CTBP2: variants seen among roughly 807,000 people sequenced by gnomAD.
CTBP2 encodes C-terminal binding protein 2.
A neutral mutation model predicts 80.3 loss-of-function variants in CTBP2; 30 were observed. The observed-to-expected ratio is 0.37, with a 90% CI of 0.28 to 0.51. The LOEUF (loss-of-function observed/expected upper bound fraction) is 0.51. Ranked by LOEUF, CTBP2 falls within the 20% of genes least tolerant of loss-of-function variation. The pLI, the probability that CTBP2 is intolerant of heterozygous loss-of-function variation, is 0.93. For synonymous variants in CTBP2, 594 were observed against 587.4 expected (o/e 1.01, Z -0.16); for missense variants, 1,212 against 1,375.3 (o/e 0.88, Z 1.88).
intron 2 of CTBP2, among the ~76,000 whole-genome samples, chr10:125,065,186 T>C (rs773935203): frequency 6.6e-5 from 10 of 152,190 alleles, no homozygotes; most frequent in Non-Finnish European, 1.3e-4. Context: ...GTTCTTTGAC[T>C]GGGCTCTTCA....
At chr10:125,100,856 A>C (rs1030327809) in intron 2 of CTBP2, 4 of 152,240 alleles carry the variant, frequency 2.6e-5, no homozygotes, top group Non-Finnish European at 4.4e-5. Flanking sequence ...TATGGGCACA[A>C]TACTGTATTT....
In CTBP2 at chr10:124,986,601, G is replaced by A. The variant is rs1952050394; in HGVS notation, c.*2917C>T. The A allele has an allele frequency of 6.6e-6, 1 of 152,140 alleles. No homozygotes were observed. Among genetic ancestry groups the A allele is most frequent in the Non-Finnish European group, 1.5e-5 (1 of 68,034 alleles). 9.4% of individuals were successfully genotyped at this position (152,140 alleles called of 1,614,324 possible). On this transcript the variant is annotated 3_prime_UTR_variant, in exon 9 of 9. Transcript: ENST00000309035. ...TACGATTCTGTAGAAATGAATCTTT[G>A]ATATAATGTAAATGCTGCTGTTTGT...
chr10:125,147,711 A>C (rs1859041607), intron 1 of CTBP2, among the ~76,000 whole-genome samples: 1 of 152,154 alleles, frequency 6.6e-6, no homozygotes, highest in Non-Finnish European at 1.5e-5. Flanking sequence ...CAGTCCGGGC[A>C]ACATGGCAAA....
At chr10:125,133,505 G>C (rs950437700) in intron 1 of CTBP2, 9 of 152,442 alleles carry the variant, frequency 5.9e-5, no homozygotes, top group Non-Finnish European at 8.8e-5. Context: ...TAGGGAAACA[G>C]GCTCACGCGC....
chr10:125,003,289 G>A (rs1954790364), intron 2 of CTBP2, 49 bp downstream of exon 4: 1 of 1,593,556 alleles, frequency 6.3e-7, no homozygotes, highest in Non-Finnish European at 8.5e-7. Context: ...TGCTGGGGAG[G>A]AAACTGCCCA....
Position 125,131,094 on chromosome 10 carries a change from C to T in CTBP2, c.-205-20001G>A, listed in dbSNP as rs149782321. Reference sequence around the variant, plus strand: ...GATGCAGATGAGATGGCAGGGAAGGCAGGAGGCTGGGGAGGAGGAGTCTTC... The same window carrying T: ...GATGCAGATGAGATGGCAGGGAAGGTAGGAGGCTGGGGAGGAGGAGTCTTC... On this transcript the variant is annotated intron_variant, in intron 1 of 10. Transcript: ENST00000337195. Among the ~76,000 whole-genome samples, 7 of 152,260 alleles carry T rather than the reference C, an allele frequency of 4.6e-5. No individual in the cohort carries two copies. In the East Asian group the frequency reaches 1.4e-3, roughly 29 times the overall value.
intron 2 of CTBP2, among the ~76,000 whole-genome samples, chr10:125,064,438 G>C (rs1844319310): frequency 6.6e-6 from 1 of 152,148 alleles, no homozygotes; most frequent in African/African-American, 2.4e-5. Flanking sequence ...TGGGGAAACA[G>C]CGTTCTTGGT....
At chr10:125,115,811 G>C (rs1853157594) in intron 1 of CTBP2, among the ~76,000 whole-genome samples, 1 of 151,172 alleles carries the variant, frequency 6.6e-6, no homozygotes, top group African/African-American at 2.5e-5. Flanking sequence ...GCCATCCTGT[G>C]GTATGGCTGT....
intron 3 of CTBP2, among the ~76,000 whole-genome samples, chr10:125,002,716 C>T (rs894751072): frequency 1.3e-5 from 2 of 152,214 alleles, no homozygotes; most frequent in Non-Finnish European, 2.9e-5. Flanking sequence ...GGGTGTTGCT[C>T]TGAGGGCAGA....
intron 2 of CTBP2, among the ~76,000 whole-genome samples, chr10:125,076,910 C>A (rs1038904793): frequency 6.6e-6 from 1 of 152,196 alleles, no homozygotes; most frequent in African/African-American, 2.4e-5. Flanking sequence ...GTCATTTCTG[C>A]CAAGAATCAT....
intron 2 of CTBP2, among the ~76,000 whole-genome samples, chr10:125,052,400 T>C (rs61870342): frequency 0.14 from 20,873 of 152,192 alleles, 1,612 homozygotes; most frequent in African/African-American, 0.2. Context: ...AGCAGCCTCC[T>C]GAGAGGCTCA....
rs1400764948 is a variant in CTBP2, at chr10:125,026,821, C to G, written c.939G>C (p.Gln313His). The change falls in exon 1 of 9, where the codon CAG becomes CAC. Residue 313 changes from glutamine (Q) to histidine (H), a missense_variant. Gln to His is a conservative substitution (Grantham distance 24). Around this residue, in one of 3 missense-constraint regions of CTBP2, gnomAD observed 848 missense variants for 782.3 expected, o/e 1.08. Transcript: ENST00000309035. ...CCAGGACGGCCGGGGAGTCAAAGCC[C>G]TGCTGCAGTAGGGCTCCCAGCGTGG... is the stretch of plus-strand genomic sequence containing the variant. The G allele has an allele frequency of 1.9e-6, 3 of 1,613,510 alleles. No homozygotes were observed. Among genetic ancestry groups the G allele is most frequent in the Non-Finnish European group, 1.7e-6 (2 of 1,179,992 alleles).
At chr10:125,091,886 GCTC>G (rs1848816906) in intron 2 of CTBP2, among the ~76,000 whole-genome samples, 1 of 152,154 alleles carries the variant, frequency 6.6e-6, no homozygotes, top group Admixed American at 6.5e-5. Context: ...ACTATGAACT[GCTC>G]CTCATCAGCT....
chr10:125,064,480 C>T lies in CTBP2; in HGVS notation c.-101-25325G>A, dbSNP rs888007760. Among the ~76,000 whole-genome samples the T allele has an allele frequency of 7.2e-5, 11 of 151,942 alleles. 1 individual carries two copies. Among genetic ancestry groups the T allele is most frequent in the Admixed American group, 5.2e-4 (8 of 15,252 alleles). ...AATGCTGAGGTCACCCATCGGTCTC[C>T]GAAGAATAGCAGTTCTACTTCTCAA... On this transcript the variant is annotated intron_variant, in intron 2 of 10. Coordinates refer to the CTBP2 transcript ENST00000337195.
chr10:125,013,889 G>GT (rs1956200020), intron 1 of CTBP2, among the ~76,000 whole-genome samples: 1 of 152,208 alleles, frequency 6.6e-6, no homozygotes, highest in South Asian at 2.1e-4. Context: ...AAACAGACAG[G>GT]TGATCTTGCC....
chr10:125,077,539 A>G (rs1214386077), intron 2 of CTBP2, among the ~76,000 whole-genome samples: 1 of 152,226 alleles, frequency 6.6e-6, no homozygotes, highest in African/African-American at 2.4e-5. Context: ...CTGGCAGCCA[A>G]TAGTAATCGG....
intron 1 of CTBP2, among the ~76,000 whole-genome samples, chr10:125,144,334 C>T (rs1354722974): frequency 2.0e-5 from 3 of 152,192 alleles, no homozygotes; most frequent in Non-Finnish European, 2.9e-5. Context: ...GTTCGGATCT[C>T]GCTCGATCAT....
intron 1 of CTBP2, among the ~76,000 whole-genome samples, chr10:125,150,340 G>C (rs1306543994): frequency 6.6e-6 from 1 of 152,220 alleles, no homozygotes; most frequent in African/African-American, 2.4e-5. Flanking sequence ...TAAGCACTGT[G>C]AAAGCTACAC....
chr10:125,143,630 G>C (rs1172194862), intron 1 of CTBP2, among the ~76,000 whole-genome samples: 1 of 151,688 alleles, frequency 6.6e-6, no homozygotes, highest in African/African-American at 2.4e-5. Flanking sequence ...CCCCAGTAAT[G>C]CATAACTGCT....
Sources: allele counts gnomAD v4.1 joint callset (sites outside exome capture counted in the v4.1 genomes callset), GRCh38; gene constraint gnomAD v4.1.1; regional missense constraint gnomAD v4.1.1; transcripts MANE v1.5; gene names NCBI Gene and HGNC (gene_info 2026-07-23, HGNC 2026-07-21).